KNTC1: variants seen among roughly 807,000 people sequenced by gnomAD.
KNTC1 encodes kinetochore associated 1.
A neutral mutation model predicts 314.4 loss-of-function variants in KNTC1; 253 were observed. The ratio of observed to expected loss-of-function variants is 0.80; its 90% CI spans 0.73 to 0.89. The LOEUF (loss-of-function observed/expected upper bound fraction) is 0.89, where lower values mean the gene tolerates loss of function less well. Among genes scored for constraint, KNTC1 ranks in the 40% least tolerant of loss-of-function variants. The probability of loss-of-function intolerance (pLI) is 0.00; values close to 1 mark genes in which losing one functional copy is unlikely to be tolerated. For synonymous variants in KNTC1, 901 were observed against 901.4 expected (o/e 1.00, Z 0.01); for missense variants, 2,475 against 2,572.9 (o/e 0.96, Z 0.82).
At chr12:122,578,447 G>C (rs1410303725) in intron 31 of KNTC1, among the ~76,000 whole-genome samples, 1 of 151,558 alleles carries the variant, frequency 6.6e-6, no homozygotes, top group Non-Finnish European at 1.5e-5. Flanking sequence ...TTTGAGACAA[G>C]AGTCTTGCTC....
At chr12:122,610,100 C>T (rs145377380) in intron 52 of KNTC1, among the ~76,000 whole-genome samples, 35 of 152,300 alleles carry the variant, frequency 2.3e-4, no homozygotes, top group African/African-American at 6.5e-4. Flanking sequence ...CCCCAAGAAA[C>T]GGATTCCTTC....
At chr12:122,604,479 T>TA (rs1374312702) in intron 48 of KNTC1, 85 bp from the exon 49 acceptor site, 52 of 740,528 alleles carry the variant, frequency 7.0e-5, no homozygotes, top group Non-Finnish European at 1.0e-4. Context: ...TTTAAAAAGT[T>TA]GCTAATTTGA....
intron 52 of KNTC1, among the ~76,000 whole-genome samples, chr12:122,610,102 G>A (rs1382699076): frequency 6.6e-6 from 1 of 152,158 alleles, no homozygotes; most frequent in African/African-American, 2.4e-5. Flanking sequence ...CCAAGAAACG[G>A]ATTCCTTCTG....
intron 63 of KNTC1, 144 bp from the exon 64 acceptor site, chr12:122,626,061 C>G: frequency 1.5e-6 from 1 of 662,226 alleles, no homozygotes; most frequent in Non-Finnish European, 2.7e-6. Context: ...CGTTTAAAAT[C>G]TGTTTCTCTC....
chr12:122,579,127 G>C (rs1042402112), intron 31 of KNTC1, among the ~76,000 whole-genome samples: 1 of 123,538 alleles, frequency 8.1e-6, no homozygotes, highest in Non-Finnish European at 1.6e-5. Flanking sequence ...TGCAGTGGCG[G>C]GATCTCGGCT....
chr12:122,592,127 C>T (rs897400146), intron 42 of KNTC1, among the ~76,000 whole-genome samples: 5 of 152,210 alleles, frequency 3.3e-5, no homozygotes, highest in African/African-American at 7.2e-5. Flanking sequence ...AGCGGCCGGC[C>T]GGCCCTGCCG....
At chr12:122,555,230 A>G (rs1963499741) in intron 16 of KNTC1, among the ~76,000 whole-genome samples, 1 of 152,222 alleles carries the variant, frequency 6.6e-6, no homozygotes, top group East Asian at 1.9e-4. Flanking sequence ...GACAATTCAT[A>G]TAAATATCTT....
intron 44 of KNTC1, 22 bp from the exon 45 acceptor site, chr12:122,601,514 A>T (rs566184857): frequency 1.3e-6 from 2 of 1,506,992 alleles, no homozygotes; most frequent in East Asian, 2.5e-5. Context: ...TCAAGTTTTG[A>T]TATATTTTTG....
chr12:122,561,371 C>A (rs907361591), intron 18 of KNTC1, among the ~76,000 whole-genome samples: 2 of 151,588 alleles, frequency 1.3e-5, no homozygotes, highest in African/African-American at 4.8e-5. Context: ...CTGTCATAGA[C>A]CTTTTTTGGC....
intron 20 of KNTC1, among the ~76,000 whole-genome samples, chr12:122,563,165 C>T (rs899877011): frequency 6.6e-6 from 1 of 151,886 alleles, no homozygotes; most frequent in Non-Finnish European, 1.5e-5. Flanking sequence ...GGCTGAACAT[C>T]CTTGTTGTCA....
chr12:122,602,202 A>G (rs1872016756), intron 45 of KNTC1, among the ~76,000 whole-genome samples: 1 of 152,048 alleles, frequency 6.6e-6, no homozygotes, highest in East Asian at 1.9e-4. Flanking sequence ...ATAAAATATA[A>G]ACATAGGAAA....
chr12:122,536,968 A>T (rs1433613952), intron 3 of KNTC1, among the ~76,000 whole-genome samples: 1 of 152,244 alleles, frequency 6.6e-6, no homozygotes, highest in South Asian at 2.1e-4. Context: ...ACCTTGACGT[A>T]TTGACCCTGA....
chr12:122,626,114 C>A, intron 63 of KNTC1, 91 bp from the exon 64 acceptor site: 2 of 882,284 alleles, frequency 2.3e-6, no homozygotes, highest in Non-Finnish European at 3.7e-6. Flanking sequence ...ATTTGTATCA[C>A]TTCACTTAAG....
chr12:122,550,292 G>A (rs1428622066), intron 13 of KNTC1, among the ~76,000 whole-genome samples: 2 of 151,790 alleles, frequency 1.3e-5, no homozygotes, highest in African/African-American at 2.4e-5. Flanking sequence ...ATGCTGTCAC[G>A]CCTAAATCTT....
At chr12:122,576,098 C>T (rs923485255) in intron 29 of KNTC1, among the ~76,000 whole-genome samples, 199 bp downstream of exon 29, 7 of 152,174 alleles carry the variant, frequency 4.6e-5, no homozygotes, top group East Asian at 1.9e-4. Context: ...TCGCTCTTGC[C>T]GCCCAGGCTG....
At position 122,567,117 on chromosome 12, in the gene KNTC1, A is replaced by G. The variant is rs577866044; in HGVS notation, c.1605-1144A>G. ...TTGAGACAGTTTTGTTCTGTTGCCC[A>G]GGCTGGAGTGCAATGACATGATCTC... is the stretch of plus-strand genomic sequence containing the variant. On this transcript the variant is annotated intron_variant, in intron 20 of 63. Coordinates refer to ENST00000333479, the MANE Select transcript of KNTC1 (RefSeq NM_014708.6). 1.9e-3 allele frequency among the ~76,000 whole-genome samples: 291 copies of G among 152,148 alleles called. 4 individuals carry two copies. Among genetic ancestry groups the G allele is most frequent in the African/African-American group, 6.7e-3 (280 of 41,502 alleles).
chr12:122,585,872 C>G (rs1234651237), intron 37 of KNTC1, 98 bp downstream of exon 37: 1 of 1,122,124 alleles, frequency 8.9e-7, no homozygotes, highest in Admixed American at 1.9e-5. Context: ...GTAATGTGGG[C>G]GAACCTTATA....
intron 6 of KNTC1, 54 bp from the exon 7 acceptor site, chr12:122,543,546 T>C (rs1340079185): frequency 1.6e-6 from 2 of 1,222,198 alleles, no homozygotes; most frequent in Non-Finnish European, 2.3e-6. Flanking sequence ...AGGTGACTTG[T>C]ATTATTTTGT....
In KNTC1 at chr12:122,544,254, TC is replaced by T. The variant is rs1565938687; in HGVS notation, c.656del (p.Pro219LeufsTer2). On this transcript the variant is annotated frameshift_variant, in exon 8 of 64. Transcript: ENST00000333479. LOFTEE classifies it high-confidence loss of function. ...TGGCTGGAGATTTAGCAAGTGAAGT[TC>T]CTGTGATAATTGGGGTAATTGTTTT... is the stretch of plus-strand genomic sequence containing the variant. ...LVAGDLASEV[P>X]VIIGGTGNCA... 1.3e-6 allele frequency: 2 copies of T among 1,554,436 alleles called. No homozygotes were observed. Among genetic ancestry groups the T allele is most frequent in the East Asian group, 2.3e-5 (1 of 43,550 alleles).
Sources: allele counts gnomAD v4.1 joint callset (sites outside exome capture counted in the v4.1 genomes callset), GRCh38; gene constraint gnomAD v4.1.1; transcripts MANE v1.5; gene names NCBI Gene and HGNC (gene_info 2026-07-23, HGNC 2026-07-21).